The following CERS4 variants were observed in gnomAD, a reference collection of about 807,000 sequenced individuals.
CERS4 encodes ceramide synthase 4.
CERS4 carries 65 observed loss-of-function variants against 51.8 expected under a neutral mutation model. That is an observed-to-expected ratio of 1.26 (90% CI 1.03 to 1.54). The LOEUF (loss-of-function observed/expected upper bound fraction) is 1.54, where lower values mean the gene tolerates loss of function less well. CERS4 is among the 40% of genes most tolerant of loss of function. The pLI, the probability that CERS4 is intolerant of heterozygous loss-of-function variation, is 0.00. For synonymous variants in CERS4, 228 were observed against 208.4 expected (o/e 1.09, Z -0.81); for missense variants, 563 against 500.4 (o/e 1.13, Z -1.19).
rs1045362955 is a variant in CERS4 at position 8,210,694 on chromosome 19, T to G, written c.-158-12T>G. ...TCGGCCTCCCCCAGCCTCAAATGGGTCTGCCTTCCAGGAGCAGCTGCTGTG... is the reference window on the plus strand; with the variant it reads ...TCGGCCTCCCCCAGCCTCAAATGGGGCTGCCTTCCAGGAGCAGCTGCTGTG... On this transcript the variant is annotated splice_polypyrimidine_tract_variant and intron_variant, in intron 1 of 11. Transcript: ENST00000251363. This position sits in a 1 kb window ranked among gnomAD's most constrained non-coding sequence, Gnocchi z 4.2. 6.6e-6 allele frequency: 1 copy of G among 152,258 alleles called. No individual in the cohort carries two copies. Among genetic ancestry groups the G allele is most frequent in the Admixed American group, 6.6e-5 (1 of 15,250 alleles). The allele number at this position is 152,258 out of a possible 1,614,324, so 9.4% of individuals were successfully genotyped here. A position where few individuals can be genotyped will look rare whatever the true frequency, so the allele number is the denominator to read the frequency against.
chr19:8,255,661 C>CGA lies in CERS4; in HGVS notation c.347_348dup (p.Trp117AspfsTer14). ...TGGCCTCACGCTGCAGCAGACCCAG[C>CGA]GATGGTTCCGGAGACGCCGGAACCA... On this transcript the variant is annotated frameshift_variant, in exon 5 of 12. Coordinates refer to ENST00000251363, the MANE Select transcript of CERS4 (RefSeq NM_024552.3). LOFTEE classifies it high-confidence loss of function. 1 of 1,613,118 alleles carries CGA rather than the reference C, an allele frequency of 6.2e-7. No individual in the cohort carries two copies. The highest frequency in any genetic ancestry group is 8.5e-7 in the Non-Finnish European group (1 of 1,179,950).
At chr19:8,251,632 T>C (rs1277639065) in intron 3 of CERS4, among the ~76,000 whole-genome samples, 2 of 151,864 alleles carry the variant, frequency 1.3e-5, no homozygotes, top group Admixed American at 6.6e-5. Flanking sequence ...GCCAACATGG[T>C]GAAACCCTGT....
chr19:8,257,003 T>C lies in CERS4; in HGVS notation c.667T>C (p.Ser223Pro), dbSNP rs751321651. The C allele has an allele frequency of 6.2e-7, 1 of 1,613,870 alleles. No individual in the cohort carries two copies. The highest frequency in any genetic ancestry group is 1.1e-5 in the South Asian group (1 of 91,084). Residue 223 changes from serine (S) to proline (P), a missense_variant, in exon 9 of 12, where the codon TCC becomes CCC. Physicochemically the swap from Ser to Pro is moderately conservative, Grantham distance 74. Transcript: ENST00000251363. ...CGTGGCGGTCATCCTGATGACCTTC[T>C]CCTACAGTGCCAACCTGCTGCGCAT... is the stretch of plus-strand genomic sequence containing the variant. ...HFVAVILMTF[S>P]YSANLLRIGS...
At chr19:8,239,510 C>T (rs1249837782) in intron 2 of CERS4, 6 of 152,230 alleles carry the variant, frequency 3.9e-5, no homozygotes, top group African/African-American at 7.2e-5. Flanking sequence ...AAACTTTAAT[C>T]AGCAGAGGTA....
At position 8,234,542 on chromosome 19, in the gene CERS4, A is replaced by ATTTTTTTT. The variant is rs35971828; in HGVS notation, c.-1-16513_-1-16506dup. ...CCCTTCCCCTGGCACCCACCATTCT[A>ATTTTTTTT]TTTTTTTTTTTTTTTTTTTTTTTTT... On this transcript the variant is annotated intron_variant, in intron 2 of 11. Coordinates refer to ENST00000251363, the MANE Select transcript of CERS4 (RefSeq NM_024552.3). 1.5e-4 allele frequency among the ~76,000 whole-genome samples: 8 copies of ATTTTTTTT among 54,176 alleles called. 2 individuals carry two copies. In the East Asian group the frequency reaches 2.7e-3, roughly 18 times the overall value. 35.5% of individuals were successfully genotyped at this position (54,176 alleles called of 152,430 possible). A position where few individuals can be genotyped will look rare whatever the true frequency, so the allele number is the denominator to read the frequency against.
intron 3 of CERS4, among the ~76,000 whole-genome samples, chr19:8,251,510 T>A (rs1969079306): frequency 2.0e-5 from 3 of 152,166 alleles, no homozygotes; most frequent in Admixed American, 1.3e-4. Context: ...TGCCAGCATC[T>A]TCATAAAACA....
At chr19:8,249,292 C>T (rs368792949) in intron 2 of CERS4, among the ~76,000 whole-genome samples, 36 of 152,070 alleles carry the variant, frequency 2.4e-4, no homozygotes, top group Non-Finnish European at 1.2e-4. Context: ...CAGGGGGATG[C>T]GTGGACAGAC....
chr19:8,248,678 GATGAATGGATGGGGAGATGGATGA>G (rs886378595), intron 2 of CERS4, among the ~76,000 whole-genome samples: 29 of 151,894 alleles, frequency 1.9e-4, no homozygotes, highest in African/African-American at 6.8e-4. Flanking sequence ...CAGATGGATG[GATGAATGGATGGGGAGATGGATGA>G]ATGGGTGGGT....
chr19:8,241,931 G>C (rs1568520341), intron 2 of CERS4, among the ~76,000 whole-genome samples: 2 of 152,154 alleles, frequency 1.3e-5, no homozygotes, highest in Non-Finnish European at 2.9e-5. Context: ...ATCCAAAAGA[G>C]AAAAGCTAGA....
At chr19:8,249,267 C>T (rs571856747) in intron 2 of CERS4, among the ~76,000 whole-genome samples, 3 of 151,432 alleles carry the variant, frequency 2.0e-5, no homozygotes, top group Non-Finnish European at 2.9e-5. Context: ...AGGGATGGAT[C>T]GGTAGATAGA....
chr19:8,215,939 C>T (rs559753490), intron 2 of CERS4, among the ~76,000 whole-genome samples: 1 of 152,252 alleles, frequency 6.6e-6, no homozygotes, highest in African/African-American at 2.4e-5. Context: ...GCATAAGCCA[C>T]CTCTCTGTGC....
At chr19:8,259,334 C>T (rs967688325) in intron 10 of CERS4, among the ~76,000 whole-genome samples, 3 of 151,982 alleles carry the variant, frequency 2.0e-5, no homozygotes, top group Non-Finnish European at 2.9e-5. Flanking sequence ...AGACCATGCC[C>T]GGCATGTTAG....
intron 3 of CERS4, 53 bp downstream of exon 3, chr19:8,251,302 GCTCGTGCCCTGTGT>G: frequency 6.7e-7 from 1 of 1,494,534 alleles, no homozygotes; most frequent in Non-Finnish European, 8.9e-7. Flanking sequence ...TCCAGTATGT[GCTCGTGCCCTGTGT>G]GCAATTTGCC....
intron 2 of CERS4, among the ~76,000 whole-genome samples, chr19:8,213,311 G>A (rs547488614): frequency 1.3e-5 from 2 of 152,044 alleles, no homozygotes; most frequent in South Asian, 2.1e-4. Context: ...CACTGCACTC[G>A]GCCTCTTTCT....
At chr19:8,234,961 G>A (rs113345630) in intron 2 of CERS4, among the ~76,000 whole-genome samples, 4,993 of 150,544 alleles carry the variant, frequency 0.033, 257 homozygotes, top group African/African-American at 0.11. Context: ...TCAGCATAAC[G>A]TCCTCAAGAT....
At chr19:8,217,554 T>G (rs1360456725) in intron 2 of CERS4, among the ~76,000 whole-genome samples, 1 of 150,604 alleles carries the variant, frequency 6.6e-6, no homozygotes, top group Non-Finnish European at 1.5e-5. Flanking sequence ...TTTTTTTTTT[T>G]GAGATGGAGT....
intron 2 of CERS4, among the ~76,000 whole-genome samples, chr19:8,220,879 T>A (rs985861350): frequency 6.6e-6 from 1 of 151,590 alleles, no homozygotes; most frequent in Non-Finnish European, 1.5e-5. Flanking sequence ...TGGAGTACAG[T>A]GGTGCAACCT....
intron 9 of CERS4, 183 bp downstream of exon 9, chr19:8,257,260 T>C (rs1969443863): frequency 1.3e-5 from 8 of 631,190 alleles, no homozygotes; most frequent in Non-Finnish European, 1.6e-5. Flanking sequence ...ACCCCCTCTG[T>C]CTTCCTGGGT....
At chr19:8,228,454 C>A (rs1676635189) in intron 2 of CERS4, among the ~76,000 whole-genome samples, 1 of 152,112 alleles carries the variant, frequency 6.6e-6, no homozygotes, top group South Asian at 2.1e-4. Context: ...GTGGGCAGAT[C>A]ACCTGAGGCC....
Sources: allele counts gnomAD v4.1 joint callset (sites outside exome capture counted in the v4.1 genomes callset), GRCh38; gene constraint gnomAD v4.1.1; non-coding constraint Gnocchi (gnomAD v3.1); transcripts MANE v1.5; gene names NCBI Gene and HGNC (gene_info 2026-07-23, HGNC 2026-07-21).